Variants in FBXL17 observed in about 807,000 individuals in gnomAD.
The protein encoded by FBXL17 is F-box/LRR-repeat protein 17.
In FBXL17, 22 loss-of-function variants were observed where a neutral mutation model predicts 66.2. That is an observed-to-expected ratio of 0.33 (90% CI 0.24 to 0.47). FBXL17 has a LOEUF of 0.47. Among genes scored for constraint, FBXL17 ranks in the 20% least tolerant of loss-of-function variants. FBXL17 has a pLI of 1.00. For synonymous variants in FBXL17, 474 were observed against 400.5 expected (o/e 1.18, Z -2.19); for missense variants, 878 against 948.2 (o/e 0.93, Z 0.97).
chr5:107,897,157 A>G (rs1471821610), intron 7 of FBXL17, among the ~76,000 whole-genome samples: 1 of 152,184 alleles, frequency 6.6e-6, no homozygotes, highest in Non-Finnish European at 1.5e-5. Context: ...CCCAGATGTC[A>G]TTAAGAAAAT....
rs542712294 is a variant in FBXL17 at position 108,138,445 on chromosome 5, C to T, written c.1745+47672G>A. Among the ~76,000 whole-genome samples, 6 of 151,698 alleles carry T rather than the reference C, an allele frequency of 4.0e-5. No homozygotes were observed. The East Asian group carries it at 7.8e-4, about 20-fold the overall frequency. ...TTTTGGATTGTGTGTAGATATCATACGTTTTTTTCTTTCCTATTCCAATGC... is the reference window on the plus strand; with the variant it reads ...TTTTGGATTGTGTGTAGATATCATATGTTTTTTTCTTTCCTATTCCAATGC... On this transcript the variant is annotated intron_variant, in intron 6 of 8. Transcript: ENST00000542267.
chr5:107,976,558 A>C (rs541807870), intron 7 of FBXL17, among the ~76,000 whole-genome samples: 102 of 152,306 alleles, frequency 6.7e-4, no homozygotes, highest in African/African-American at 2.2e-3. Context: ...TCTGCCCATG[A>C]CTTCTCATGA....
At chr5:108,166,540 G>T (rs1298511524) in intron 6 of FBXL17, among the ~76,000 whole-genome samples, 1 of 152,166 alleles carries the variant, frequency 6.6e-6, no homozygotes, top group Non-Finnish European at 1.5e-5. Flanking sequence ...TCTGTTAGTT[G>T]TAAGAAGCAT....
intron 6 of FBXL17, among the ~76,000 whole-genome samples, chr5:108,053,629 G>A (rs991140887): frequency 2.6e-5 from 4 of 152,198 alleles, no homozygotes; most frequent in African/African-American, 7.2e-5. Context: ...TGGTGAAGCT[G>A]TGGATAAATA....
At chr5:108,023,484 T>C (rs1019339254) in intron 6 of FBXL17, among the ~76,000 whole-genome samples, 14 of 152,152 alleles carry the variant, frequency 9.2e-5, no homozygotes, top group African/African-American at 3.4e-4. Flanking sequence ...CCACCTCATG[T>C]TCCCGGCTAG....
At chr5:108,154,546 C>T (rs1161200501) in intron 6 of FBXL17, among the ~76,000 whole-genome samples, 3 of 143,348 alleles carry the variant, frequency 2.1e-5, no homozygotes, top group East Asian at 2.1e-4. Context: ...GCCAAGATCG[C>T]GCCATTGCAC....
Position 108,009,306 on chromosome 5 carries a change from T to G in FBXL17, c.1822+11619A>C, listed in dbSNP as rs371253334. Among the ~76,000 whole-genome samples, 117 of 17,366 alleles carry G rather than the reference T, an allele frequency of 6.7e-3. 6 individuals are homozygous for G. Among genetic ancestry groups the G allele is most frequent in the South Asian group, 0.028 (18 of 646 alleles). The allele number at this position is 17,366 out of a possible 152,430, so 11.4% of individuals were successfully genotyped here. A position where few individuals can be genotyped will look rare whatever the true frequency, so the allele number is the denominator to read the frequency against. On this transcript the variant is annotated intron_variant, in intron 7 of 8. Coordinates refer to ENST00000542267, the MANE Select transcript of FBXL17 (RefSeq NM_001163315.3). ...ATATATATATATATATATATACATA[T>G]ATACATACACATATAGTTTTGCTTT...
chr5:107,949,343 G>T (rs1280911121), intron 7 of FBXL17, among the ~76,000 whole-genome samples: 1 of 152,162 alleles, frequency 6.6e-6, no homozygotes, highest in African/African-American at 2.4e-5. Context: ...AAGTAGGGAG[G>T]TAAGGGGCCT....
At chr5:107,929,485 T>C (rs1468312794) in intron 7 of FBXL17, among the ~76,000 whole-genome samples, 1 of 152,158 alleles carries the variant, frequency 6.6e-6, no homozygotes, top group African/African-American at 2.4e-5. Flanking sequence ...GTGTGTGCAA[T>C]AGTAAAATAA....
intron 5 of FBXL17, among the ~76,000 whole-genome samples, chr5:108,218,591 TTA>T (rs1412288924): frequency 6.6e-6 from 1 of 152,208 alleles, no homozygotes; most frequent in Non-Finnish European, 1.5e-5. Flanking sequence ...CCAAAACTTG[TTA>T]TCTTTCCCCT....
intron 6 of FBXL17, among the ~76,000 whole-genome samples, chr5:108,177,320 T>G (rs1263693766): frequency 6.6e-6 from 1 of 152,136 alleles, no homozygotes; most frequent in Non-Finnish European, 1.5e-5. Flanking sequence ...TTGGAAAAAT[T>G]ACTTTTTACC....
At chr5:108,371,761 T>G (rs1490849448) in intron 1 of FBXL17, among the ~76,000 whole-genome samples, 4 of 152,158 alleles carry the variant, frequency 2.6e-5, no homozygotes, top group Admixed American at 6.5e-5. Flanking sequence ...ATTATAGAAC[T>G]AAATTATACA....
At chr5:108,360,970 T>C (rs1748305845) in intron 3 of FBXL17, among the ~76,000 whole-genome samples, 1 of 152,130 alleles carries the variant, frequency 6.6e-6, no homozygotes, top group African/African-American at 2.4e-5. Context: ...AATTTGTTCA[T>C]ACATTATTTT....
At chr5:108,002,562 T>C (rs1401292284) in intron 7 of FBXL17, among the ~76,000 whole-genome samples, 1 of 152,024 alleles carries the variant, frequency 6.6e-6, no homozygotes, top group African/African-American at 2.4e-5. Flanking sequence ...CGTGTTCAAA[T>C]GAAAGACCTG....
intron 6 of FBXL17, among the ~76,000 whole-genome samples, chr5:108,120,008 A>G (rs1035712762): frequency 1.3e-5 from 2 of 152,216 alleles, no homozygotes; most frequent in Non-Finnish European, 2.9e-5. Flanking sequence ...CACATGCTGC[A>G]CTTGTGCTCT....
chr5:107,861,877 G>C lies in FBXL17; in HGVS notation c.1966-17C>G, dbSNP rs748259897. On this transcript the variant is annotated splice_polypyrimidine_tract_variant and intron_variant, in intron 8 of 8. Transcript: ENST00000542267. ...TTCGTTGACCTGCAAACAAAGAAGA[G>C]TCACCATCACGCACAGAGACCACCA... The C allele has an allele frequency of 2.7e-6, 4 of 1,503,410 alleles. No homozygotes were observed. Among genetic ancestry groups the C allele is most frequent in the South Asian group, 1.3e-5 (1 of 74,220 alleles). The allele number at this position is 1,503,410 out of a possible 1,614,324, so 93.1% of individuals were successfully genotyped here.
intron 7 of FBXL17, among the ~76,000 whole-genome samples, chr5:107,901,545 C>G (rs1001256603): frequency 6.6e-6 from 1 of 152,110 alleles, no homozygotes; most frequent in Non-Finnish European, 1.5e-5. Flanking sequence ...TAGGTAAAGG[C>G]AACAGGTGAA....
At chr5:107,870,175 A>G (rs927938728) in intron 8 of FBXL17, among the ~76,000 whole-genome samples, 10 of 152,178 alleles carry the variant, frequency 6.6e-5, no homozygotes, top group African/African-American at 2.4e-4. Flanking sequence ...AAAGCCACCG[A>G]CTGAAAAGCT....
intron 4 of FBXL17, among the ~76,000 whole-genome samples, chr5:108,252,740 T>C (rs541171294): frequency 2.6e-5 from 4 of 152,138 alleles, no homozygotes; most frequent in Non-Finnish European, 4.4e-5. Flanking sequence ...GAAATAACTA[T>C]AGCCCACAAG....
Sources: allele counts gnomAD v4.1 joint callset (sites outside exome capture counted in the v4.1 genomes callset), GRCh38; gene constraint gnomAD v4.1.1; transcripts MANE v1.5; gene names NCBI Gene and HGNC (gene_info 2026-07-23, HGNC 2026-07-21).